Variants in TMEM45B observed in about 807,000 individuals in gnomAD.
The protein encoded by TMEM45B is transmembrane protein 45B.
TMEM45B carries 29 observed loss-of-function variants against 27.3 expected under a neutral mutation model. The ratio of observed to expected loss-of-function variants is 1.06; its 90% CI spans 0.79 to 1.45. The LOEUF (loss-of-function observed/expected upper bound fraction) is 1.45, where lower values mean the gene tolerates loss of function less well. TMEM45B is among the 40% of genes most tolerant of loss of function. TMEM45B has a pLI of 0.00. For missense variants in TMEM45B, 348 were observed against 343.9 expected (o/e 1.01, Z -0.09); for synonymous variants, 143 against 134.7 (o/e 1.06, Z -0.43).
intron 1 of TMEM45B, among the ~76,000 whole-genome samples, chr11:129,851,525 C>T (rs1440657144): frequency 1.5e-5 from 1 of 67,332 alleles, no homozygotes; most frequent in African/African-American, 5.7e-5. Context: ...GCCTGGGTGA[C>T]AGAGTGAAAC....
rs778912746 is a variant in TMEM45B, at chr11:129,858,743, C to T, written c.*58C>T. On this transcript the variant is annotated 3_prime_UTR_variant, in exon 6 of 6. Transcript: ENST00000281441. ...CACAGCTGGAATGAATGGAGTTCAT[C>T]CCCTCCACCTGAATGCCTGCTGTGG... 484 of 1,266,444 alleles carry T rather than the reference C, an allele frequency of 3.8e-4. No individual in the cohort carries two copies. The highest frequency in any genetic ancestry group is 5.0e-4 in the Non-Finnish European group (446 of 896,426). 78.5% of individuals were successfully genotyped at this position (1,266,444 alleles called of 1,614,324 possible).
At chr11:129,852,750 C>T in intron 2 of TMEM45B, 90 bp downstream of exon 2, 3 of 1,405,672 alleles carry the variant, frequency 2.1e-6, no homozygotes, top group Non-Finnish European at 2.9e-6. Context: ...ATAGATGTTC[C>T]CACTGGCAGA....
At chr11:129,838,895 A>C (rs1947656802) in intron 1 of TMEM45B, among the ~76,000 whole-genome samples, 1 of 152,160 alleles carries the variant, frequency 6.6e-6, no homozygotes, top group Non-Finnish European at 1.5e-5. Context: ...AATAAGGGAA[A>C]ATTCCTGCTT....
Position 129,855,724 on chromosome 11 carries a change from C to T in TMEM45B, c.402C>T (p.Tyr134=). 1 of 1,614,124 alleles carries T rather than the reference C, an allele frequency of 6.2e-7. No homozygotes were observed. Among genetic ancestry groups the T allele is most frequent in the Non-Finnish European group, 8.5e-7 (1 of 1,180,020 alleles). The stretch of plus-strand genomic sequence containing the variant: ...TTGTGGCAGGTTTCCTCTTCTACTA[C>T]CACGTCCACAACCGGCCTCCGCTGG... ...AVFMEGFLFY[Y]HVHNRPPLDQ... is the part of the protein sequence containing the mutation. Residue 134 remains tyrosine (Y), a synonymous_variant, in exon 4 of 6, where the codon TAC becomes TAT. Transcript: ENST00000281441.
chr11:129,827,804 G>A (rs114876212), intron 1 of TMEM45B, among the ~76,000 whole-genome samples: 2,750 of 151,936 alleles, frequency 0.018, 62 homozygotes, highest in African/African-American at 0.061. Context: ...CTCTGCCTCA[G>A]AAATAAAATA....
At chr11:129,857,623 C>T in intron 5 of TMEM45B, 165 bp downstream of exon 5, 1 of 771,394 alleles carries the variant, frequency 1.3e-6, no homozygotes. Flanking sequence ...GGGAATGAGG[C>T]TTTTCAAAGT....
chr11:129,851,683 C>A (rs1947848889), intron 1 of TMEM45B, among the ~76,000 whole-genome samples: 1 of 152,062 alleles, frequency 6.6e-6, no homozygotes, highest in East Asian at 1.9e-4. Context: ...GGTAACCACC[C>A]AGGCCAGTGG....
intron 1 of TMEM45B, chr11:129,826,910 T>G (rs563678427): frequency 1.3e-5 from 2 of 151,720 alleles, no homozygotes; most frequent in Admixed American, 1.3e-4. Context: ...GGTTTCACCG[T>G]GGTCTCGATT....
Position 129,857,952 on chromosome 11 carries a change from G to A in TMEM45B, c.716+494G>A, listed in dbSNP as rs552731485. 1.1e-4 allele frequency among the ~76,000 whole-genome samples: 16 copies of A among 152,196 alleles called. No homozygotes were observed. The South Asian group carries it at 1.5e-3, about 14-fold the overall frequency. On this transcript the variant is annotated intron_variant, in intron 5 of 5. Transcript: ENST00000281441. ...CTATGGACTCCTATGCACTTGCTGCGCCCCAGGCCCAGTGGAAAGCAGCTA... is the reference window on the plus strand; with the variant it reads ...CTATGGACTCCTATGCACTTGCTGCACCCCAGGCCCAGTGGAAAGCAGCTA...
intron 1 of TMEM45B, among the ~76,000 whole-genome samples, chr11:129,837,777 C>CTTTTTT (rs1159669879): frequency 2.9e-4 from 20 of 69,022 alleles, no homozygotes; most frequent in Non-Finnish European, 3.3e-4. Flanking sequence ...AGGCTAGTTT[C>CTTTTTT]TTTTTTTTTT....
At position 129,840,946 on chromosome 11, in the gene TMEM45B, T is replaced by TAAAAAAAAAAAAA. The variant is rs55905045; in HGVS notation, c.-8-11517_-8-11505dup. ...CAAAGAGGCAGGCAATTTCTTTCTGTAAAAAAAAAAAAAAAAAAAAAAAAG... is the reference window on the plus strand; with the variant it reads ...CAAAGAGGCAGGCAATTTCTTTCTGTAAAAAAAAAAAAAAAAAAAAAAAAAAAAAAAAAAAAAG... On this transcript the variant is annotated intron_variant, in intron 1 of 5. Coordinates refer to ENST00000281441, the MANE Select transcript of TMEM45B (RefSeq NM_138788.5). Among the ~76,000 whole-genome samples, 179 of 29,212 alleles carry TAAAAAAAAAAAAA rather than the reference T, an allele frequency of 6.1e-3. 5 individuals are homozygous for TAAAAAAAAAAAAA. Among genetic ancestry groups the TAAAAAAAAAAAAA allele is most frequent in the South Asian group, 0.011 (5 of 458 alleles). The allele number at this position is 29,212 out of a possible 152,430, so 19.2% of individuals were successfully genotyped here. A position where few individuals can be genotyped will look rare whatever the true frequency, so the allele number is the denominator to read the frequency against.
At chr11:129,856,007 C>A in intron 4 of TMEM45B, 115 bp downstream of exon 4, 1 of 1,246,236 alleles carries the variant, frequency 8.0e-7, no homozygotes, top group Non-Finnish European at 1.1e-6. Flanking sequence ...ATTAACATGC[C>A]ATGCAAAGGG....
chr11:129,819,647 C>G (rs1352548884), intron 1 of TMEM45B, among the ~76,000 whole-genome samples: 2 of 151,960 alleles, frequency 1.3e-5, no homozygotes, highest in Non-Finnish European at 2.9e-5. Flanking sequence ...ACCTCCGCTT[C>G]CTGGGTTCAA....
chr11:129,852,906 GA>G (rs1225545334), intron 2 of TMEM45B: 3 of 359,572 alleles, frequency 8.3e-6, no homozygotes, highest in Non-Finnish European at 1.5e-5. Context: ...CACAGGTATG[GA>G]AAGTTGTAGG....
intron 1 of TMEM45B, among the ~76,000 whole-genome samples, chr11:129,816,222 C>T (rs1483159474): frequency 6.6e-6 from 1 of 152,136 alleles, no homozygotes; most frequent in Non-Finnish European, 1.5e-5. Context: ...TTGCTCAGTC[C>T]CCCGCGAGTC....
chr11:129,838,719 A>G (rs957143396), intron 1 of TMEM45B, among the ~76,000 whole-genome samples: 6 of 152,124 alleles, frequency 3.9e-5, no homozygotes, highest in African/African-American at 1.2e-4. Flanking sequence ...ACACTGGGAG[A>G]CATTTGCTTT....
At chr11:129,855,071 C>T (rs1285703123) in intron 3 of TMEM45B, among the ~76,000 whole-genome samples, 1 of 152,176 alleles carries the variant, frequency 6.6e-6, no homozygotes, top group Non-Finnish European at 1.5e-5. Context: ...CTGCAGGAGT[C>T]CTCCTCGCCT....
chr11:129,824,645 A>C (rs911757848), intron 1 of TMEM45B, among the ~76,000 whole-genome samples: 2 of 152,208 alleles, frequency 1.3e-5, no homozygotes, highest in African/African-American at 4.8e-5. Flanking sequence ...CAGTTTAAGA[A>C]CTATTATTAT....
At chr11:129,846,893 G>A (rs759851045) in intron 1 of TMEM45B, among the ~76,000 whole-genome samples, 1 of 152,202 alleles carries the variant, frequency 6.6e-6, no homozygotes, top group Non-Finnish European at 1.5e-5. Context: ...CAGGAATGGA[G>A]TGTTCTCAGC....
Sources: gnomAD v4.1 joint callset for allele counts (sites outside exome capture counted in the v4.1 genomes callset) on GRCh38, gnomAD v4.1.1 for gene constraint, MANE v1.5 for transcripts, NCBI Gene and HGNC (gene_info 2026-07-23, HGNC 2026-07-21) for gene names.